The following ACSL6 variants were observed in gnomAD, a reference collection of about 807,000 sequenced individuals.
ACSL6 encodes long-chain-fatty-acid--CoA ligase 6.
In ACSL6, 47 loss-of-function variants were observed where a neutral mutation model predicts 98.2. That is an observed-to-expected ratio of 0.48 (90% CI 0.38 to 0.61). The LOEUF is 0.61. Ranked by LOEUF, ACSL6 falls within the 20% of genes least tolerant of loss-of-function variation. The pLI, the probability that ACSL6 is intolerant of heterozygous loss-of-function variation, is 0.00. For missense variants in ACSL6, 761 were observed against 913.4 expected, an observed-to-expected ratio of 0.83 and a Z score of 2.15; for synonymous variants, 362 against 336.9, an observed-to-expected ratio of 1.07 and a Z score of -0.82.
rs1410912470 is a variant in ACSL6, at chr5:131,989,965, G to A, written c.450+135C>T. The A allele has an allele frequency of 1.3e-5, 12 of 931,270 alleles. No individual in the cohort carries two copies. In the East Asian group the frequency reaches 1.8e-4, roughly 14 times the overall value. The allele number at this position is 931,270 out of a possible 1,614,324, so 57.7% of individuals were successfully genotyped here. ...ATGCTGGAAGCCCTTCAAGGCTGTT[G>A]CCAGGAGTTTGGCAGACAGGCCAGG... On this transcript the variant is annotated intron_variant, in intron 4 of 20. Coordinates refer to ENST00000651883, the MANE Select transcript of ACSL6 (RefSeq NM_001009185.3).
chr5:131,989,375 T>C, intron 5 of ACSL6, 32 bp downstream of exon 5: 1 of 1,598,988 alleles, frequency 6.3e-7, no homozygotes, highest in Non-Finnish European at 8.6e-7. Flanking sequence ...ACCCCACGAA[T>C]CCCTCTAAAA....
chr5:131,986,340 A>G (rs1754175631), intron 8 of ACSL6, among the ~76,000 whole-genome samples: 1 of 152,144 alleles, frequency 6.6e-6, no homozygotes, highest in South Asian at 2.1e-4. Flanking sequence ...AAATCCCCAC[A>G]TGGCCCATCC....
At chr5:131,963,646 C>T (rs1752855225) in intron 17 of ACSL6, among the ~76,000 whole-genome samples, 1 of 152,162 alleles carries the variant, frequency 6.6e-6, no homozygotes, top group South Asian at 2.1e-4. Context: ...TGGTCAGGCT[C>T]ACCTGTCCTT....
chr5:131,986,741 C>A lies in ACSL6; in HGVS notation c.864+81G>T. 2.0e-6 allele frequency: 3 copies of A among 1,538,140 alleles called. No individual in the cohort carries two copies. The South Asian group carries it at 3.4e-5, about 17-fold the overall frequency. ...TGCTTATTAACACAGAGGTGCTGTT[C>A]TGTGCACAGTGAGGGACTCTGTGAG... On this transcript the variant is annotated intron_variant, in intron 8 of 20. Transcript: ENST00000651883.
intron 12 of ACSL6, among the ~76,000 whole-genome samples, 175 bp downstream of exon 12, chr5:131,973,091 A>C (rs1753406160): frequency 6.6e-6 from 1 of 152,220 alleles, no homozygotes; most frequent in African/African-American, 2.4e-5. Flanking sequence ...TATTTGGAGA[A>C]TAGGAAGAAA....
chr5:131,972,449 C>T (rs1753362310), intron 13 of ACSL6, among the ~76,000 whole-genome samples: 1 of 152,152 alleles, frequency 6.6e-6, no homozygotes, highest in African/African-American at 2.4e-5. Flanking sequence ...GACCTGACTA[C>T]CCAAGGTCAA....
In ACSL6 at chr5:131,973,335, A is replaced by T. The variant is rs1480578648; in HGVS notation, c.1134T>A (p.Asp378Glu). 1.2e-6 allele frequency: 2 copies of T among 1,614,062 alleles called. No homozygotes were observed. Among genetic ancestry groups the T allele is most frequent in the Non-Finnish European group, 1.7e-6 (2 of 1,180,018 alleles). ...FFQGDIRLLS[D>E]DMKALCPTIF... ...TGGTGGGGCATAGAGCCTTCATGTC[A>T]TCTGAGAGAAGGCGGATATCTCCCT... The change falls in exon 12 of 21, where the codon GAT becomes GAA. Residue 378 changes from aspartate to glutamate, a missense_variant. By Grantham distance (45) the Asp-to-Glu change is conservative. Transcript: ENST00000651883.
At position 132,011,589 on chromosome 5, in the gene ACSL6, C is replaced by A. The variant is rs902662799; in HGVS notation, c.-36G>T. On this transcript the variant is annotated 5_prime_UTR_variant, in exon 1 of 21. In the 5' UTR this introduces an upstream ATG that the reference lacks. Coordinates refer to ENST00000651883, the MANE Select transcript of ACSL6 (RefSeq NM_001009185.3). This position sits in a 1 kb window ranked among gnomAD's most constrained non-coding sequence, Gnocchi z 5.4. ...GGGGCCCGGCCCGGCCCGGCCCGGCCTCCCCGACCCGCAGCCCCGCAGCCC... is the reference window on the plus strand; with the variant it reads ...GGGGCCCGGCCCGGCCCGGCCCGGCATCCCCGACCCGCAGCCCCGCAGCCC... The A allele has an allele frequency of 6.1e-6, 9 of 1,476,794 alleles. No homozygotes were observed. Among genetic ancestry groups the A allele is most frequent in the Non-Finnish European group, 7.2e-6 (8 of 1,115,800 alleles). The allele number at this position is 1,476,794 out of a possible 1,614,324, so 91.5% of individuals were successfully genotyped here. A position where few individuals can be genotyped will look rare whatever the true frequency, so the allele number is the denominator to read the frequency against.
intron 15 of ACSL6, among the ~76,000 whole-genome samples, chr5:131,969,465 T>A (rs1183703199): frequency 6.6e-6 from 1 of 152,030 alleles, no homozygotes; most frequent in East Asian, 1.9e-4. Context: ...TTTTTTTTTG[T>A]CACAGGTTTT....
chr5:131,971,524 C>A, intron 14 of ACSL6, 26 bp downstream of exon 14: 2 of 1,567,480 alleles, frequency 1.3e-6, no homozygotes, highest in South Asian at 2.4e-5. Context: ...CTGCTGTTTC[C>A]AAGGGAGGAC....
At chr5:131,985,493 C>T (rs377516168) in intron 8 of ACSL6, 35 bp from the exon 9 acceptor site, 1 of 1,611,790 alleles carries the variant, frequency 6.2e-7, no homozygotes, top group Non-Finnish European at 8.5e-7. Flanking sequence ...GTTAGGGAGA[C>T]CCAGTGTGGC....
chr5:131,993,095 A>T (rs1364245382), intron 2 of ACSL6: 1 of 152,326 alleles, frequency 6.6e-6, no homozygotes, highest in African/African-American at 2.4e-5. Context: ...CTAGCGTCCC[A>T]CGCAAAGCCC....
intron 20 of ACSL6, among the ~76,000 whole-genome samples, chr5:131,955,704 T>C (rs1752368208): frequency 6.6e-6 from 1 of 152,198 alleles, no homozygotes; most frequent in Non-Finnish European, 1.5e-5. Flanking sequence ...TGCTCAATTT[T>C]TATATAAGAT....
chr5:131,974,550 A>G (rs1385039308), intron 11 of ACSL6, among the ~76,000 whole-genome samples: 3 of 152,196 alleles, frequency 2.0e-5, no homozygotes, highest in African/African-American at 7.2e-5. Flanking sequence ...TCCATGGGTA[A>G]GACAGGGCAG....
At chr5:132,011,900 TC>T (rs775540114), upstream of ACSL6, 3 of 1,553,680 alleles carry the variant, frequency 1.9e-6, no homozygotes, top group African/African-American at 4.1e-5. This position sits in a 1 kb window ranked among gnomAD's most constrained non-coding sequence, Gnocchi z 5.4. Flanking sequence ...GGCCCCGCTC[TC>T]CAACGTCAGT....
chr5:131,973,138 C>T (rs1170006782), intron 12 of ACSL6, 128 bp downstream of exon 12: 5 of 1,275,804 alleles, frequency 3.9e-6, no homozygotes, highest in Non-Finnish European at 4.3e-6. Flanking sequence ...TCAGGAACTA[C>T]AAGAGAGGAG....
At chr5:131,999,324 A>T (rs1463295736) in intron 1 of ACSL6, 1 of 152,298 alleles carries the variant, frequency 6.6e-6, no homozygotes, top group Non-Finnish European at 1.5e-5. Flanking sequence ...CACTTAGTAG[A>T]TAGCAAGTAG....
upstream of ACSL6, chr5:132,011,780 G>A (rs1755752532): frequency 1.5e-6 from 2 of 1,364,478 alleles, no homozygotes; most frequent in Non-Finnish European, 9.5e-7. This position sits in a 1 kb window ranked among gnomAD's most constrained non-coding sequence, Gnocchi z 5.4. Flanking sequence ...TCCCTGCCCT[G>A]CAGCCTGGCC....
At chr5:131,999,641 C>T (rs1754973315) in intron 1 of ACSL6, 1 of 152,344 alleles carries the variant, frequency 6.6e-6, no homozygotes, top group African/African-American at 2.4e-5. Flanking sequence ...AGTGGTAGCA[C>T]AGGCTCCCTG....
Sources: allele counts gnomAD v4.1 joint callset (sites outside exome capture counted in the v4.1 genomes callset), GRCh38; gene constraint gnomAD v4.1.1; non-coding constraint Gnocchi (gnomAD v3.1); transcripts MANE v1.5; gene names NCBI Gene and HGNC (gene_info 2026-07-23, HGNC 2026-07-21).